MAST2: variants seen among roughly 807,000 people sequenced by gnomAD.
MAST2 encodes microtubule-associated serine/threonine-protein kinase 2.
A neutral mutation model predicts 147.4 loss-of-function variants in MAST2; 70 were observed. The ratio of observed to expected loss-of-function variants is 0.47; its 90% CI spans 0.39 to 0.58. MAST2 has a LOEUF of 0.58. Ranked by LOEUF, MAST2 falls within the 20% of genes least tolerant of loss-of-function variation. The pLI is 0.00. For missense variants in MAST2, 2,080 were observed against 2,302.3 expected (o/e 0.90, Z 1.98); for synonymous variants, 869 against 896.8 (o/e 0.97, Z 0.55).
At chr1:45,861,352 G>A (rs981086807) in intron 3 of MAST2, among the ~76,000 whole-genome samples, 1 of 151,992 alleles carries the variant, frequency 6.6e-6, no homozygotes, top group Non-Finnish European at 1.5e-5. Flanking sequence ...AGTCCTTAAC[G>A]CTGCTTACCA....
At chr1:45,966,965 C>T (rs1015657631) in intron 5 of MAST2, among the ~76,000 whole-genome samples, 4 of 150,474 alleles carry the variant, frequency 2.7e-5, no homozygotes, top group Non-Finnish European at 4.4e-5. Context: ...CTCTTAGGCT[C>T]CCAGATTTTG....
chr1:45,875,500 T>C (rs981835801), intron 3 of MAST2, among the ~76,000 whole-genome samples: 4 of 152,304 alleles, frequency 2.6e-5, no homozygotes, highest in African/African-American at 9.6e-5. Flanking sequence ...TACCCACAGT[T>C]ATCACTCAGA....
intron 4 of MAST2, among the ~76,000 whole-genome samples, chr1:45,894,972 G>A (rs1648492234): frequency 6.6e-6 from 1 of 151,942 alleles, no homozygotes; most frequent in African/African-American, 2.4e-5. Context: ...ATGAATTTTG[G>A]CAAATATATA....
At chr1:45,890,465 C>T (rs1426478107) in intron 4 of MAST2, among the ~76,000 whole-genome samples, 1 of 152,152 alleles carries the variant, frequency 6.6e-6, no homozygotes, top group Non-Finnish European at 1.5e-5. Context: ...ATGTGGTACA[C>T]CAGCCTGAGG....
At chr1:45,937,885 T>A (rs377697342) in intron 4 of MAST2, among the ~76,000 whole-genome samples, 1 of 152,042 alleles carries the variant, frequency 6.6e-6, no homozygotes. Context: ...TGGTTTTTAC[T>A]AAATTTATAT....
intron 5 of MAST2, among the ~76,000 whole-genome samples, chr1:45,992,286 G>A (rs1030396016): frequency 2.0e-5 from 3 of 152,110 alleles, no homozygotes; most frequent in Admixed American, 1.3e-4. Context: ...TGCTTTTTCT[G>A]TATCAGTTGA....
At chr1:45,890,692 T>C (rs968446412) in intron 4 of MAST2, among the ~76,000 whole-genome samples, 4 of 152,194 alleles carry the variant, frequency 2.6e-5, no homozygotes, top group East Asian at 3.8e-4. Context: ...GTTTAGTCCA[T>C]AGCAGATGGT....
chr1:46,031,451 T>C lies in MAST2; in HGVS notation c.3053T>C (p.Ile1018Thr). Residue 1018 changes from isoleucine to threonine, a missense_variant, in exon 24 of 29, where the codon ATC (isoleucine) becomes ACC (threonine). Ile to Thr is a moderately conservative substitution (Grantham distance 89). Around this residue, in one of 4 missense-constraint regions of MAST2, gnomAD observed 1,278 missense variants for 1,304.2 expected, o/e 0.98. Transcript: ENST00000361297. The surrounding 1 kb of genome is among the most constrained non-coding windows in gnomAD (Gnocchi z 4.1). ...GCTGAGGGAGCCACAGCCAAGGCCA[T>C]CAGTGACCTGGCTGTGCGTAGGGCC... Reference protein sequence around the residue: ...QLAEGATAKAISDLAVRRARH... With the variant: ...QLAEGATAKATSDLAVRRARH... 4 of 1,614,102 alleles carry C rather than the reference T, an allele frequency of 2.5e-6. No individual in the cohort carries two copies. The highest frequency in any genetic ancestry group is 3.4e-6 in the Non-Finnish European group (4 of 1,180,010).
chr1:46,034,402 G>C, intron 28 of MAST2, 136 bp downstream of exon 28: 1 of 1,331,046 alleles, frequency 7.5e-7, no homozygotes, highest in Non-Finnish European at 1.0e-6. Context: ...GTCTTGGGGA[G>C]GAATTAATTG....
At chr1:45,823,995 A>T (rs752312056) in intron 1 of MAST2, among the ~76,000 whole-genome samples, 6 of 152,204 alleles carry the variant, frequency 3.9e-5, no homozygotes, top group Non-Finnish European at 7.3e-5. Context: ...TCTAATATTA[A>T]TTTTAGCATT....
At chr1:46,025,627 T>C in intron 15 of MAST2, 50 bp from the exon 16 acceptor site, 1 of 1,611,320 alleles carries the variant, frequency 6.2e-7, no homozygotes, top group South Asian at 1.1e-5. Flanking sequence ...GCTGGCTAGC[T>C]AGAGCAGGGA....
intron 5 of MAST2, among the ~76,000 whole-genome samples, chr1:45,960,080 GT>G (rs1224764051): frequency 2.0e-5 from 3 of 152,090 alleles, no homozygotes; most frequent in Non-Finnish European, 4.4e-5. Context: ...TGGAGTATTT[GT>G]TTCATAATGA....
intron 5 of MAST2, among the ~76,000 whole-genome samples, chr1:45,961,914 C>G (rs1264879407): frequency 6.6e-6 from 1 of 152,002 alleles, no homozygotes; most frequent in Non-Finnish European, 1.5e-5. Flanking sequence ...AATGCTATCC[C>G]TCCCCCATCC....
In MAST2 at chr1:46,031,668, G is replaced by GGTGT. The variant is rs140303775; in HGVS notation, c.3187+96_3187+99dup. The GGTGT allele has an allele frequency of 3.8e-6, 5 of 1,303,882 alleles. No individual in the cohort carries two copies. The highest frequency in any genetic ancestry group is 4.2e-6 in the Non-Finnish European group (4 of 948,328). The allele number at this position is 1,303,882 out of a possible 1,614,324, so 80.8% of individuals were successfully genotyped here. A position where few individuals can be genotyped will look rare whatever the true frequency, so the allele number is the denominator to read the frequency against. ...CCTTGGGAGGGTTCTGCACGTGGCA[G>GGTGT]GTGTGTGTGTGTGTGTTAAGCACAG... On this transcript the variant is annotated intron_variant, in intron 24 of 28. Transcript: ENST00000361297. This position sits in a 1 kb window ranked among gnomAD's most constrained non-coding sequence, Gnocchi z 4.1.
chr1:45,972,005 A>G (rs911759086), intron 5 of MAST2, among the ~76,000 whole-genome samples: 4 of 152,186 alleles, frequency 2.6e-5, no homozygotes, highest in East Asian at 3.9e-4. Context: ...AAAAGCATTC[A>G]GTCCCTATCA....
intron 2 of MAST2, among the ~76,000 whole-genome samples, chr1:45,825,937 C>G (rs1480865179): frequency 1.3e-5 from 2 of 151,828 alleles, no homozygotes; most frequent in African/African-American, 4.8e-5. Flanking sequence ...ATTAGCCGGG[C>G]ATGGTGATAT....
intron 4 of MAST2, among the ~76,000 whole-genome samples, chr1:45,955,884 AT>A (rs2148889202): frequency 6.6e-6 from 1 of 152,290 alleles, no homozygotes; most frequent in Non-Finnish European, 1.5e-5. Context: ...TGTTGCTTAC[AT>A]TTTAAAATTT....
intron 4 of MAST2, among the ~76,000 whole-genome samples, chr1:45,885,111 C>T (rs1157776397): frequency 6.6e-6 from 1 of 152,096 alleles, no homozygotes; most frequent in South Asian, 2.1e-4. Context: ...AGTGACTTAC[C>T]ATTTGCTCCA....
intron 9 of MAST2, among the ~76,000 whole-genome samples, chr1:46,010,296 A>C (rs1645660417): frequency 6.6e-6 from 1 of 152,244 alleles, no homozygotes; most frequent in African/African-American, 2.4e-5. Context: ...GAAATGAAAG[A>C]CTTCCCAGAG....
Sources: gnomAD v4.1 joint callset for allele counts (sites outside exome capture counted in the v4.1 genomes callset) on GRCh38, gnomAD v4.1.1 for gene constraint, gnomAD v4.1.1 regional missense constraint, Gnocchi (gnomAD v3.1) non-coding constraint, MANE v1.5 for transcripts, NCBI Gene and HGNC (gene_info 2026-07-23, HGNC 2026-07-21) for gene names.